TNRC18: variants seen among roughly 807,000 people sequenced by gnomAD.
The protein encoded by TNRC18 is trinucleotide repeat-containing gene 18 protein.
A neutral mutation model predicts 226.7 loss-of-function variants in TNRC18; 69 were observed. That is an observed-to-expected ratio of 0.30 (90% CI 0.25 to 0.37). The LOEUF (loss-of-function observed/expected upper bound fraction) is 0.37, where lower values mean the gene tolerates loss of function less well. Among genes scored for constraint, TNRC18 ranks in the 10% least tolerant of loss-of-function variants. The pLI, the probability that TNRC18 is intolerant of heterozygous loss-of-function variation, is 1.00. For missense variants in TNRC18, 4,754 were observed against 4,256.6 expected (o/e 1.12, Z -3.25); for synonymous variants, 2,449 against 1,927.6 (o/e 1.27, Z -7.09).
At chr7:5,393,381 G>A (rs114227527) in intron 3 of TNRC18, among the ~76,000 whole-genome samples, 1 of 152,272 alleles carries the variant, frequency 6.6e-6, no homozygotes, top group Non-Finnish European at 1.5e-5. Context: ...AATGGGCAAA[G>A]TACTGTAAGG....
intron 2 of TNRC18, among the ~76,000 whole-genome samples, chr7:5,409,015 C>G (rs1453180849): frequency 6.6e-6 from 1 of 152,160 alleles, no homozygotes; most frequent in Non-Finnish European, 1.5e-5. Context: ...AGCCTGGCTT[C>G]AACGTCAACA....
rs1787719962 is a variant in TNRC18, at chr7:5,315,139, G to A, written c.6872C>T (p.Pro2291Leu). 6.2e-7 allele frequency: 1 copy of A among 1,612,078 alleles called. No homozygotes were observed. Among genetic ancestry groups the A allele is most frequent in the South Asian group, 1.1e-5 (1 of 90,882 alleles). The change falls in exon 26 of 30, where the codon CCG becomes CTG. Residue 2291 changes from proline (P) to leucine (L), a missense_variant. Transcript: ENST00000430969. ...ACTTGGCACCAGAAGGGCCGGGGAC[G>A]GCTCAGCACCTGTGGGGCAGAGGAC... ...PPDYKIQCAE[P>L]SPALLVPSAK...
chr7:5,321,005 A>T, intron 22 of TNRC18, 68 bp downstream of exon 22: 1 of 1,160,044 alleles, frequency 8.6e-7, no homozygotes, highest in Non-Finnish European at 1.2e-6. Context: ...AGCCAGGCAC[A>T]GAGGCGGCCG....
chr7:5,390,274 T>A (rs1405577002), intron 4 of TNRC18: 2 of 562,772 alleles, frequency 3.6e-6, no homozygotes, highest in Non-Finnish European at 3.1e-6. Flanking sequence ...CTGAGTCAGG[T>A]GCATCATTTG....
chr7:5,377,440 G>A lies in TNRC18; in HGVS notation c.2392C>T (p.His798Tyr), dbSNP rs1476354244. 4 of 1,590,570 alleles carry A rather than the reference G, an allele frequency of 2.5e-6. No homozygotes were observed. The highest frequency in any genetic ancestry group is 3.4e-6 in the Non-Finnish European group (4 of 1,169,890). ...GGCAACCAGGGGTGCGTGGCCAGAT[G>A]GGCTGCGGGGTCGGCAGACCAGCGA... ...SGRWSADPAA[H>Y]LATHPWLPRS... The change falls in exon 7 of 30, where the codon CAT becomes TAT. Residue 798 changes from histidine to tyrosine, a missense_variant. His to Tyr is a moderately conservative substitution (Grantham distance 83, BLOSUM62 2). Coordinates refer to ENST00000430969, the MANE Select transcript of TNRC18 (RefSeq NM_001080495.3). This position sits in a 1 kb window ranked among gnomAD's most constrained non-coding sequence, Gnocchi z 5.8.
intron 16 of TNRC18, among the ~76,000 whole-genome samples, chr7:5,354,308 G>C (rs1792126695): frequency 6.6e-6 from 1 of 152,012 alleles, no homozygotes; most frequent in African/African-American, 2.4e-5. Flanking sequence ...AGAGACATCA[G>C]AGACAGAGCA....
chr7:5,326,952 A>G (rs1223096838), intron 19 of TNRC18, among the ~76,000 whole-genome samples: 8 of 150,996 alleles, frequency 5.3e-5, no homozygotes, highest in African/African-American at 1.2e-4. Context: ...GTGAAACCCC[A>G]TCTCTACTAA....
intron 2 of TNRC18, among the ~76,000 whole-genome samples, chr7:5,407,721 A>G (rs1487615745): frequency 6.6e-6 from 1 of 152,262 alleles, no homozygotes; most frequent in Non-Finnish European, 1.5e-5. Flanking sequence ...ATATGCAAAT[A>G]CGTCCATCTC....
At chr7:5,308,991 C>T in intron 28 of TNRC18, 42 bp from the exon 29 acceptor site, 1 of 1,569,538 alleles carries the variant, frequency 6.4e-7, no homozygotes, top group Non-Finnish European at 8.6e-7. Context: ...AGCCCGGGGG[C>T]TGCTGCACCC....
chr7:5,380,135 A>G (rs1779296279), intron 5 of TNRC18, among the ~76,000 whole-genome samples: 2 of 151,974 alleles, frequency 1.3e-5, no homozygotes, highest in South Asian at 4.1e-4. Context: ...ACCCCCAAAT[A>G]CCAGGAGCTC....
chr7:5,382,986 G>A (rs1243378751), intron 5 of TNRC18, among the ~76,000 whole-genome samples: 2 of 152,198 alleles, frequency 1.3e-5, no homozygotes, highest in African/African-American at 2.4e-5. Context: ...TCGACCTGCT[G>A]GGGTCAGGTG....
intron 18 of TNRC18, among the ~76,000 whole-genome samples, chr7:5,334,989 C>T (rs913184533): frequency 7.2e-5 from 11 of 152,052 alleles, no homozygotes; most frequent in Non-Finnish European, 1.5e-4. Context: ...TAGAAACTGG[C>T]AACACAGAAG....
At chr7:5,367,629 T>C (rs569931449) in intron 11 of TNRC18, among the ~76,000 whole-genome samples, 3 of 151,838 alleles carry the variant, frequency 2.0e-5, no homozygotes, top group Non-Finnish European at 1.5e-5. Flanking sequence ...GGTTTCACCA[T>C]GTTGGCCAGG....
Position 5,351,880 on chromosome 7 carries a change from C to T in TNRC18, c.5409G>A (p.Leu1803=), listed in dbSNP as rs1435203845. The part of the protein sequence containing the change: ...ATSRKQPFCL[L]LREAEARSSF... ...AGGAACGCGCCTCGGCCTCTCGAAG[C>T]AGCAGACAAAACGGCTGCTTCCTGC... The change falls in exon 17 of 30, where the codon CTG becomes CTA. Residue 1803 remains leucine (L), a synonymous_variant. Transcript: ENST00000430969. 1.2e-6 allele frequency: 2 copies of T among 1,613,220 alleles called. No individual in the cohort carries two copies. Among genetic ancestry groups the T allele is most frequent in the East Asian group, 4.5e-5 (2 of 44,882 alleles).
intron 17 of TNRC18, among the ~76,000 whole-genome samples, chr7:5,348,401 G>A (rs916118697): frequency 7.9e-5 from 12 of 152,294 alleles, no homozygotes; most frequent in South Asian, 4.2e-4. Flanking sequence ...TCTCTCCAGG[G>A]CGGGGAGCAG....
At chr7:5,339,019 C>G (rs539243039) in intron 18 of TNRC18, among the ~76,000 whole-genome samples, 1 of 150,594 alleles carries the variant, frequency 6.6e-6, no homozygotes, top group African/African-American at 2.4e-5. Context: ...TAGACAAGGC[C>G]AGGCACAATG....
rs776709922 is a variant in TNRC18 at position 5,359,507 on chromosome 7, C to G, written c.4724G>C (p.Arg1575Thr). 6.2e-7 allele frequency: 1 copy of G among 1,614,030 alleles called. No individual in the cohort carries two copies. The highest frequency in any genetic ancestry group is 8.5e-7 in the Non-Finnish European group (1 of 1,179,894). The change falls in exon 15 of 30, where the codon AGA becomes ACA. Residue 1575 changes from arginine to threonine, a missense_variant. Arg to Thr is a moderately conservative substitution (Grantham distance 71). Coordinates refer to ENST00000430969, the MANE Select transcript of TNRC18 (RefSeq NM_001080495.3). ...ATGTTCCTCCTCAGACCCCTTGTGT[C>G]TCTTTCTTATCCCTGCTCCCAGCTC... The part of the protein sequence containing the change: ...DYELGAGIRK[R>T]HKGSEEEHDA...
rs567525766 is a variant in TNRC18, at chr7:5,375,322, A to C, written c.2799+712T>G. Among the ~76,000 whole-genome samples the C allele has an allele frequency of 3.1e-3, 339 of 110,516 alleles. 2 individuals carry two copies. The highest frequency in any genetic ancestry group is 4.6e-3 in the Non-Finnish European group (249 of 54,568). 72.5% of individuals were successfully genotyped at this position (110,516 alleles called of 152,430 possible). On this transcript the variant is annotated intron_variant, in intron 9 of 29. Coordinates refer to ENST00000430969, the MANE Select transcript of TNRC18 (RefSeq NM_001080495.3). ...AGACTCCACCTCAAAAAAACAACAA[A>C]AACAAACAAACAAACAAACACCAGA...
chr7:5,325,430 T>C, intron 19 of TNRC18, 182 bp from the exon 20 acceptor site: 1 of 583,944 alleles, frequency 1.7e-6, no homozygotes, highest in Non-Finnish European at 2.8e-6. Flanking sequence ...TTTTTTTTGT[T>C]TTTTTTTTTT....
Sources: gnomAD v4.1 joint callset for allele counts (sites outside exome capture counted in the v4.1 genomes callset) on GRCh38, gnomAD v4.1.1 for gene constraint, Gnocchi (gnomAD v3.1) non-coding constraint, MANE v1.5 for transcripts, NCBI Gene and HGNC (gene_info 2026-07-23, HGNC 2026-07-21) for gene names.